Variants in C8A observed in about 807,000 individuals in gnomAD.
C8A encodes the protein complement component C8 alpha chain.
A neutral mutation model predicts 65.3 loss-of-function variants in C8A; 67 were observed. That is an observed-to-expected ratio of 1.03 (90% CI 0.84 to 1.26). The LOEUF is 1.26. Among genes scored for constraint, C8A ranks in the 50% most tolerant of loss-of-function variants. The pLI is 0.00. For missense variants in C8A, 781 were observed against 723.9 expected (o/e 1.08, Z -0.90); for synonymous variants, 290 against 259.4 (o/e 1.12, Z -1.13).
chr1:56,893,073 T>C (rs1177370999), intron 7 of C8A, among the ~76,000 whole-genome samples: 1 of 152,116 alleles, frequency 6.6e-6, no homozygotes, highest in Non-Finnish European at 1.5e-5. Context: ...GGCAGTGTGA[T>C]AGTGGAAAAA....
chr1:56,915,447 C>G (rs1401971945), intron 10 of C8A, among the ~76,000 whole-genome samples: 2 of 152,118 alleles, frequency 1.3e-5, no homozygotes, highest in Non-Finnish European at 2.9e-5. Flanking sequence ...AAAAATAAAA[C>G]TACTCTGGAT....
intron 1 of C8A, among the ~76,000 whole-genome samples, chr1:56,855,322 C>T (rs1310152167): frequency 6.6e-6 from 1 of 152,124 alleles, no homozygotes; most frequent in Non-Finnish European, 1.5e-5. Flanking sequence ...ATAAAATGTA[C>T]TCAGCTTATA....
intron 7 of C8A, among the ~76,000 whole-genome samples, chr1:56,894,924 C>G (rs947742595): frequency 6.6e-6 from 1 of 152,108 alleles, no homozygotes; most frequent in Non-Finnish European, 1.5e-5. Context: ...AATTTATTTT[C>G]TTATTCACTA....
intron 7 of C8A, among the ~76,000 whole-genome samples, chr1:56,905,331 CT>C (rs1290326977): frequency 6.6e-6 from 1 of 152,118 alleles, no homozygotes. Context: ...GATCATGGGC[CT>C]TTCCTAGGAT....
chr1:56,883,679 A>G lies in C8A; in HGVS notation c.853A>G (p.Lys285Glu), dbSNP rs745348244. The G allele has an allele frequency of 6.2e-7, 1 of 1,611,696 alleles. No individual in the cohort carries two copies. Among genetic ancestry groups the G allele is most frequent in the Non-Finnish European group, 8.5e-7 (1 of 1,178,118 alleles). ...GAACGAATTAAACAAGTATAATGAG[A>G]AGGTATTCAAACATAATGTCTGTGT... is the stretch of plus-strand genomic sequence containing the variant. ...FLNELNKYNE[K>E]KFIFTRIFTK... The change falls in exon 6 of 11, where the codon AAG (lysine) becomes GAG (glutamate). Residue 285 changes from lysine to glutamate, a missense_variant and splice_region_variant. By Grantham distance (56) the Lys-to-Glu change is moderately conservative. Transcript: ENST00000361249.
At chr1:56,902,812 T>G (rs1436893251) in intron 7 of C8A, among the ~76,000 whole-genome samples, 3 of 152,184 alleles carry the variant, frequency 2.0e-5, no homozygotes, top group African/African-American at 7.2e-5. Context: ...TTGTCACATA[T>G]GGCAGGATTT....
Position 56,860,925 on chromosome 1 carries a change from A to T in C8A, c.77+5947A>T, listed in dbSNP as rs1210540775. 2.6e-5 allele frequency among the ~76,000 whole-genome samples: 4 copies of T among 152,200 alleles called. No homozygotes were observed. In the East Asian group the frequency reaches 7.7e-4, roughly 29 times the overall value. ...GAATTGTGCTGAAGAAGTCCAAGAGATGAAAGTTCTCATGAAGAAAAAAGT... is the reference window on the plus strand; with the variant it reads ...GAATTGTGCTGAAGAAGTCCAAGAGTTGAAAGTTCTCATGAAGAAAAAAGT... On this transcript the variant is annotated intron_variant, in intron 1 of 10. Transcript: ENST00000361249.
intron 1 of C8A, among the ~76,000 whole-genome samples, chr1:56,857,190 G>C (rs1643985065): frequency 6.6e-6 from 1 of 151,878 alleles, no homozygotes; most frequent in South Asian, 2.1e-4. Flanking sequence ...TTTTCATCTT[G>C]TTCTATTGAT....
intron 7 of C8A, among the ~76,000 whole-genome samples, chr1:56,892,364 G>A (rs1244499769): frequency 6.6e-6 from 1 of 151,984 alleles, no homozygotes; most frequent in African/African-American, 2.4e-5. Context: ...ATCCTGTGAG[G>A]GAGGCATGGT....
At chr1:56,889,631 A>T (rs1644329024) in intron 7 of C8A, among the ~76,000 whole-genome samples, 1 of 152,070 alleles carries the variant, frequency 6.6e-6, no homozygotes, top group Non-Finnish European at 1.5e-5. Flanking sequence ...TTTCTAAGAG[A>T]CATCCTGTGT....
At chr1:56,906,938 T>G in intron 8 of C8A, 146 bp downstream of exon 8, 2 of 962,082 alleles carry the variant, frequency 2.1e-6, no homozygotes, top group Admixed American at 4.0e-5. Context: ...CCCAAAACAA[T>G]GACCTGCAGT....
chr1:56,910,612 G>C (rs887011222), intron 9 of C8A, among the ~76,000 whole-genome samples: 1 of 152,316 alleles, frequency 6.6e-6, no homozygotes, highest in Non-Finnish European at 1.5e-5. Context: ...CCTATTCTAC[G>C]CTGACTTCCT....
intron 7 of C8A, among the ~76,000 whole-genome samples, chr1:56,897,932 G>A (rs1396471561): frequency 1.3e-5 from 2 of 152,170 alleles, no homozygotes; most frequent in African/African-American, 4.8e-5. Context: ...ATAACATAAT[G>A]TGATAAATGT....
rs531992585 is a variant in C8A at position 56,894,932 on chromosome 1, C to T, written c.1096+8765C>T. On this transcript the variant is annotated intron_variant, in intron 7 of 10. Transcript: ENST00000361249. ...AACTAGCAATTTATTTTCTTATTCA[C>T]TATTTTGTTTTAATACAATGTTTTT... Among the ~76,000 whole-genome samples, 14 of 152,238 alleles carry T rather than the reference C, an allele frequency of 9.2e-5. 1 individual carries two copies. The South Asian group carries it at 2.1e-3, about 23-fold the overall frequency.
At chr1:56,862,436 C>G (rs1011524370) in intron 1 of C8A, among the ~76,000 whole-genome samples, 1 of 152,162 alleles carries the variant, frequency 6.6e-6, no homozygotes, top group East Asian at 1.9e-4. Context: ...AATGCAGAAA[C>G]TCTCTGAACC....
intron 1 of C8A, among the ~76,000 whole-genome samples, chr1:56,859,517 G>A (rs910970054): frequency 2.3e-4 from 35 of 152,220 alleles, no homozygotes; most frequent in Non-Finnish European, 8.8e-5. Flanking sequence ...TTAGCATTCT[G>A]TGGAGGAAAT....
chr1:56,862,754 C>T (rs973689419), intron 1 of C8A, among the ~76,000 whole-genome samples: 2 of 152,116 alleles, frequency 1.3e-5, no homozygotes, highest in African/African-American at 4.8e-5. Context: ...TATTAAATGT[C>T]TTACTGATTG....
chr1:56,896,357 GC>G (rs1644387163), intron 7 of C8A, among the ~76,000 whole-genome samples: 1 of 152,154 alleles, frequency 6.6e-6, no homozygotes, highest in Non-Finnish European at 1.5e-5. Context: ...AAGTCTGAAG[GC>G]CCGAGAACCT....
chr1:56,885,361 A>AAT (rs1047496035), intron 6 of C8A, among the ~76,000 whole-genome samples: 2 of 99,454 alleles, frequency 2.0e-5, no homozygotes, highest in Non-Finnish European at 3.6e-5. Flanking sequence ...TATTTATGTA[A>AAT]ATATATATTT....
Sources: allele counts gnomAD v4.1 joint callset (sites outside exome capture counted in the v4.1 genomes callset), GRCh38; gene constraint gnomAD v4.1.1; transcripts MANE v1.5; gene names NCBI Gene and HGNC (gene_info 2026-07-23, HGNC 2026-07-21).